SEMA3B: variants seen among roughly 807,000 people sequenced by gnomAD.
SEMA3B encodes the protein semaphorin 3B.
In SEMA3B, 71 loss-of-function variants were observed where a neutral mutation model predicts 77.8. That is an observed-to-expected ratio of 0.91 (90% CI 0.75 to 1.11). The LOEUF (loss-of-function observed/expected upper bound fraction) is 1.11. SEMA3B is among the 50% of genes most tolerant of loss of function. SEMA3B has a pLI of 0.00. For missense variants in SEMA3B, 968 were observed against 1,056.8 expected (o/e 0.92, Z 1.17); for synonymous variants, 470 against 452.9 (o/e 1.04, Z -0.48).
At position 50,276,623 on chromosome 3, in the gene SEMA3B, T is replaced by C; in HGVS notation, c.2167T>C (p.Ser723Pro). The C allele has an allele frequency of 6.3e-7, 1 of 1,591,732 alleles. No individual in the cohort carries two copies. Among genetic ancestry groups the C allele is most frequent in the South Asian group, 1.1e-5 (1 of 88,634 alleles). Residue 723 changes from serine (S) to proline (P), a missense_variant, in exon 17 of 17, where the codon TCG (serine) becomes CCG (proline). Transcript: ENST00000616701. This position sits in a 1 kb window ranked among gnomAD's most constrained non-coding sequence, Gnocchi z 5.8. ...TGCGCTGCAGTCACTGCCCCTGGAG[T>C]CGCGGAGAAAGGGCCGTAACCGGAG... Reference protein sequence around the residue: ...QPALQSLPLESRRKGRNRRTH... With the variant: ...QPALQSLPLEPRRKGRNRRTH...
At position 50,273,729 on chromosome 3, in the gene SEMA3B, C is replaced by A; in HGVS notation, c.923-30C>A. The stretch of plus-strand genomic sequence containing the variant: ...GCCCCCGCCGCAGCGGGGCTGTGCG[C>A]CCTACCCCAGCTAGGCCCCTTCCCC... On this transcript the variant is annotated intron_variant, in intron 8 of 16. Transcript: ENST00000616701. This position sits in a 1 kb window ranked among gnomAD's most constrained non-coding sequence, Gnocchi z 6.5. The A allele has an allele frequency of 6.2e-7, 1 of 1,604,832 alleles. No individual in the cohort carries two copies. The highest frequency in any genetic ancestry group is 8.5e-7 in the Non-Finnish European group (1 of 1,178,842).
At chr3:50,262,115 G>A in the SEMA3B span, 1 of 152,252 alleles carries the variant, frequency 6.6e-6, no homozygotes, top group Non-Finnish European at 1.5e-5. Context: ...GGCCAACATG[G>A]TGAAACCCCG....
At position 50,277,422 on chromosome 3, in the gene SEMA3B, G is replaced by T. The variant is rs1196762774; in HGVS notation, c.*716G>T. 6.6e-6 allele frequency: 1 copy of T among 151,940 alleles called. No homozygotes were observed. Among genetic ancestry groups the T allele is most frequent in the African/African-American group, 2.4e-5 (1 of 41,364 alleles). 9.4% of individuals were successfully genotyped at this position (151,940 alleles called of 1,614,324 possible). A position where few individuals can be genotyped will look rare whatever the true frequency, so the allele number is the denominator to read the frequency against. ...AAAAAATTAGTCGGGCGTGGTGGCG[G>T]GCGCCTGTAATCCTAGCTACTCAGG... On this transcript the variant is annotated 3_prime_UTR_variant, in exon 17 of 17. Transcript: ENST00000616701.
chr3:50,273,233 C>T lies in SEMA3B; in HGVS notation c.665-65C>T. The stretch of plus-strand genomic sequence containing the variant: ...CCCGCACTACGGGAAGGGGAAGCAG[C>T]GCGTGGGTCTCGCATCAGGAGGCAA... On this transcript the variant is annotated intron_variant, in intron 6 of 16. Coordinates refer to ENST00000616701, the MANE Select transcript of SEMA3B (RefSeq NM_001290060.2). The surrounding 1 kb of genome is among the most constrained non-coding windows in gnomAD (Gnocchi z 6.5). The T allele has an allele frequency of 6.5e-7, 1 of 1,549,228 alleles. No homozygotes were observed. The highest frequency in any genetic ancestry group is 1.2e-5 in the South Asian group (1 of 82,672).
Position 50,275,531 on chromosome 3 carries a change from G to A in SEMA3B, c.1650-29G>A. On this transcript the variant is annotated intron_variant, in intron 14 of 16. Coordinates refer to ENST00000616701, the MANE Select transcript of SEMA3B (RefSeq NM_001290060.2). This position sits in a 1 kb window ranked among gnomAD's most constrained non-coding sequence, Gnocchi z 7.5. ...TTCACTGCCCGGGGCTGAAAGAAGGGCTCACAGAAGATCGGATGTTCCCCA... is the reference window on the plus strand; with the variant it reads ...TTCACTGCCCGGGGCTGAAAGAAGGACTCACAGAAGATCGGATGTTCCCCA... 1.2e-6 allele frequency: 2 copies of A among 1,613,636 alleles called. No homozygotes were observed. The highest frequency in any genetic ancestry group is 1.6e-4 in the Middle Eastern group (1 of 6,062).
chr3:50,264,572 ACTCCT>A (rs1256502592), upstream of SEMA3B, among the ~76,000 whole-genome samples: 3 of 151,694 alleles, frequency 2.0e-5, no homozygotes, highest in Non-Finnish European at 4.4e-5. Context: ...CTGGCTCCAG[ACTCCT>A]CAGCCCTCCC....
In SEMA3B at chr3:50,269,189, A is replaced by C. The variant is rs1020876663; in HGVS notation, c.-52A>C. ...CTGGGGCAGAGTCCAGGGCAGCTCA[A>C]GGCTCCTCCACACACACACCCGCTG... On this transcript the variant is annotated 5_prime_UTR_variant, in exon 1 of 17. Transcript: ENST00000616701. The surrounding 1 kb of genome is among the most constrained non-coding windows in gnomAD (Gnocchi z 4.0). The C allele has an allele frequency of 4.5e-6, 6 of 1,344,910 alleles. No individual in the cohort carries two copies. Among genetic ancestry groups the C allele is most frequent in the Non-Finnish European group, 6.2e-6 (6 of 972,858 alleles). 83.3% of individuals were successfully genotyped at this position (1,344,910 alleles called of 1,614,324 possible).
At position 50,273,610 on chromosome 3, in the gene SEMA3B, C is replaced by A. The variant is rs1485941929; in HGVS notation, c.886C>A (p.Pro296Thr). 5 of 1,612,486 alleles carry A rather than the reference C, an allele frequency of 3.1e-6. No homozygotes were observed. Among genetic ancestry groups the A allele is most frequent in the Non-Finnish European group, 4.2e-6 (5 of 1,179,690 alleles). ...GAAGGCGCGGCTGGTGTGCTCGGTGCCCGGCGTCGAGGGCGACACCCACTT... is the reference window on the plus strand; with the variant it reads ...GAAGGCGCGGCTGGTGTGCTCGGTGACCGGCGTCGAGGGCGACACCCACTT... ...FLKARLVCSVPGVEGDTHFDQ... is the reference protein window; with the variant it reads ...FLKARLVCSVTGVEGDTHFDQ... Residue 296 changes from proline to threonine, a missense_variant, in exon 8 of 17, where the codon CCC (proline) becomes ACC (threonine). Pro to Thr is a conservative substitution (Grantham distance 38). Coordinates refer to ENST00000616701, the MANE Select transcript of SEMA3B (RefSeq NM_001290060.2). This position sits in a 1 kb window ranked among gnomAD's most constrained non-coding sequence, Gnocchi z 6.5.
At position 50,270,455 on chromosome 3, in the gene SEMA3B, A is replaced by G. The variant is rs782600211; in HGVS notation, c.290A>G (p.Glu97Gly). ...TAGCTGGCCTGGCCGGCCCCTGTGG[A>G]ATGGCGAGAGGAGTGCAACTGGGCA... ...AKKLAWPAPV[E>G]WREECNWAGK... Residue 97 changes from glutamate (E) to glycine (G), a missense_variant, in exon 3 of 17, where the codon GAA becomes GGA. Physicochemically the swap from Glu to Gly is moderately conservative, Grantham distance 98. Coordinates refer to ENST00000616701, the MANE Select transcript of SEMA3B (RefSeq NM_001290060.2). This position sits in a 1 kb window ranked among gnomAD's most constrained non-coding sequence, Gnocchi z 4.7. The G allele has an allele frequency of 1.1e-5, 17 of 1,613,576 alleles. No homozygotes were observed. The highest frequency in any genetic ancestry group is 1.4e-5 in the Non-Finnish European group (16 of 1,179,862).
Position 50,276,200 on chromosome 3 carries a change from CCTCGGCTCCCAATGA to C in SEMA3B, c.1846-98_1846-84del. ...CTGCGGGCACCCCTTTCCCGCTCCACCTCGGCTCCCAATGACTCTTTGCTTCTTCCGTCGCGTGCT... is the reference window on the plus strand; with the variant it reads ...CTGCGGGCACCCCTTTCCCGCTCCACCTCTTTGCTTCTTCCGTCGCGTGCT... On this transcript the variant is annotated intron_variant, in intron 16 of 16. Coordinates refer to ENST00000616701, the MANE Select transcript of SEMA3B (RefSeq NM_001290060.2). This position sits in a 1 kb window ranked among gnomAD's most constrained non-coding sequence, Gnocchi z 5.8. 2.2e-6 allele frequency: 3 copies of C among 1,391,396 alleles called. No homozygotes were observed. The highest frequency in any genetic ancestry group is 9.4e-7 in the Non-Finnish European group (1 of 1,067,620). The allele number at this position is 1,391,396 out of a possible 1,614,324, so 86.2% of individuals were successfully genotyped here. A position where few individuals can be genotyped will look rare whatever the true frequency, so the allele number is the denominator to read the frequency against.
chr3:50,263,687 G>T (rs1162718588), upstream of SEMA3B, among the ~76,000 whole-genome samples: 2 of 151,852 alleles, frequency 1.3e-5, no homozygotes, highest in African/African-American at 4.8e-5. Context: ...CTGGGGGAGG[G>T]TAAAGGGGTC....
At chr3:50,268,409 T>C (rs1310725458), upstream of SEMA3B, among the ~76,000 whole-genome samples, 1 of 152,260 alleles carries the variant, frequency 6.6e-6, no homozygotes, top group Non-Finnish European at 1.5e-5. Context: ...CGTTTGCACA[T>C]GCACAAATGT....
Position 50,274,373 on chromosome 3 carries a change from A to C in SEMA3B, c.1148A>C (p.Lys383Thr), listed in dbSNP as rs782171430. 6.7e-7 allele frequency: 1 copy of C among 1,486,818 alleles called. No individual in the cohort carries two copies. Among genetic ancestry groups the C allele is most frequent in the Non-Finnish European group, 8.9e-7 (1 of 1,119,424 alleles). 92.1% of individuals were successfully genotyped at this position (1,486,818 alleles called of 1,614,324 possible). Residue 383 changes from lysine to threonine, a missense_variant, in exon 11 of 17, where the codon AAG (lysine) becomes ACG (threonine). Transcript: ENST00000616701. This position sits in a 1 kb window ranked among gnomAD's most constrained non-coding sequence, Gnocchi z 4.7. Reference sequence around the variant, plus strand: ...TTCCCCCACCCCCAGTGCCCCAGCAAGACCTTTGGCACCTTCAGTTCCACC... The same window carrying C: ...TTCCCCCACCCCCAGTGCCCCAGCACGACCTTTGGCACCTTCAGTTCCACC... ...PYPRPGMCPS[K>T]TFGTFSSTKD...
the SEMA3B span, chr3:50,260,664 C>A: frequency 1.3e-5 from 2 of 152,404 alleles, no homozygotes; most frequent in Admixed American, 6.5e-5. Flanking sequence ...AGGAAGCGGG[C>A]GGGAGATGGT....
Position 50,269,320 on chromosome 3 carries a change from GC to G in SEMA3B, c.86del (p.Pro29HisfsTer86). 2.6e-6 allele frequency: 4 copies of G among 1,516,348 alleles called. No individual in the cohort carries two copies. The highest frequency in any genetic ancestry group is 1.2e-5 in the South Asian group (1 of 80,996). The allele number at this position is 1,516,348 out of a possible 1,614,324, so 93.9% of individuals were successfully genotyped here. Reference protein sequence around the residue: ...WAVGLGSAAPSPPRLRLSFQE... With the variant: ...WAVGLGSAAPXPPRLRLSFQE... ...GTGGGGCTGGGGAGTGCCGCCCCCA[GC>G]CCCCCACGCCTTCGGCTCTCCTTCC... On this transcript the variant is annotated frameshift_variant, in exon 1 of 17. Coordinates refer to ENST00000616701, the MANE Select transcript of SEMA3B (RefSeq NM_001290060.2). LOFTEE classifies it high-confidence loss of function. This position sits in a 1 kb window ranked among gnomAD's most constrained non-coding sequence, Gnocchi z 4.0.
chr3:50,270,775 T>G lies in SEMA3B; in HGVS notation c.331-115T>G. Reference sequence around the variant, plus strand: ...GGCCCCCAGGTCCCTGTAGCCCATGTTAGTACTTGCCTGGGCTGATGCCGA... The same window carrying G: ...GGCCCCCAGGTCCCTGTAGCCCATGGTAGTACTTGCCTGGGCTGATGCCGA... On this transcript the variant is annotated intron_variant, in intron 3 of 16. Transcript: ENST00000616701. This position sits in a 1 kb window ranked among gnomAD's most constrained non-coding sequence, Gnocchi z 4.7. The G allele has an allele frequency of 6.8e-7, 1 of 1,474,746 alleles. No homozygotes were observed. Among genetic ancestry groups the G allele is most frequent in the Non-Finnish European group, 9.1e-7 (1 of 1,093,534 alleles). The allele number at this position is 1,474,746 out of a possible 1,614,324, so 91.4% of individuals were successfully genotyped here.
At chr3:50,263,874 A>G (rs587735951), upstream of SEMA3B, among the ~76,000 whole-genome samples, 109 of 151,898 alleles carry the variant, frequency 7.2e-4, no homozygotes, top group African/African-American at 2.6e-3. Context: ...GGGTCAAGAG[A>G]ACCCTGGGGT....
chr3:50,263,558 G>C (rs151028819), upstream of SEMA3B, among the ~76,000 whole-genome samples: 774 of 143,064 alleles, frequency 5.4e-3, 8 homozygotes, highest in African/African-American at 0.019. Context: ...TGAATGCCAA[G>C]CTAAAAGCCT....
At position 50,271,341 on chromosome 3, in the gene SEMA3B, G is replaced by A; in HGVS notation, c.545-20G>A. 6.4e-7 allele frequency: 1 copy of A among 1,559,836 alleles called. No individual in the cohort carries two copies. Among genetic ancestry groups the A allele is most frequent in the Non-Finnish European group, 8.7e-7 (1 of 1,151,842 alleles). ...CCAAGAGCCCTCCATTTGCCTGAGTGGCCCTTGCTCTGTCTGCAGGGGAGG... is the reference window on the plus strand; with the variant it reads ...CCAAGAGCCCTCCATTTGCCTGAGTAGCCCTTGCTCTGTCTGCAGGGGAGG... On this transcript the variant is annotated intron_variant, in intron 5 of 16. Coordinates refer to ENST00000616701, the MANE Select transcript of SEMA3B (RefSeq NM_001290060.2).
Sources: allele counts gnomAD v4.1 joint callset (sites outside exome capture counted in the v4.1 genomes callset), GRCh38; gene constraint gnomAD v4.1.1; non-coding constraint Gnocchi (gnomAD v3.1); transcripts MANE v1.5; gene names NCBI Gene and HGNC (gene_info 2026-07-23, HGNC 2026-07-21).